PAMR1: variants seen among roughly 807,000 people sequenced by gnomAD.
PAMR1 encodes the protein inactive serine protease PAMR1.
PAMR1 carries 88 observed loss-of-function variants against 81.8 expected under a neutral mutation model. The observed-to-expected ratio is 1.08, with a 90% CI of 0.91 to 1.28. The LOEUF is 1.28. Ranked by LOEUF, PAMR1 falls within the 50% of genes most tolerant of loss-of-function variation. The probability of loss-of-function intolerance (pLI) is 0.00; values close to 1 mark genes in which losing one functional copy is unlikely to be tolerated. For missense variants in PAMR1, 935 were observed against 919.7 expected (o/e 1.02, Z -0.21); for synonymous variants, 336 against 345.3 (o/e 0.97, Z 0.30).
chr11:35,439,731 C>T, intron 7 of PAMR1, 38 bp from the exon 8 acceptor site: 1 of 1,532,982 alleles, frequency 6.5e-7, no homozygotes, highest in South Asian at 1.1e-5. Flanking sequence ...GATCCTTTTC[C>T]ATATTCACTG....
chr11:35,503,947 C>A (rs1212611788), intron 1 of PAMR1, among the ~76,000 whole-genome samples: 1 of 152,014 alleles, frequency 6.6e-6, no homozygotes, highest in Non-Finnish European at 1.5e-5. Context: ...TTGCCTTGTT[C>A]CCAATCTTAG....
intron 6 of PAMR1, among the ~76,000 whole-genome samples, chr11:35,461,060 C>T (rs958062434): frequency 1.6e-4 from 24 of 152,170 alleles, no homozygotes; most frequent in African/African-American, 5.8e-4. Flanking sequence ...TCTCTGATGG[C>T]CAGTGATGAT....
chr11:35,478,424 C>T (rs1850321635), intron 3 of PAMR1, among the ~76,000 whole-genome samples: 1 of 152,228 alleles, frequency 6.6e-6, no homozygotes, highest in African/African-American at 2.4e-5. Flanking sequence ...AGGTTCCTTT[C>T]ACTCTGAAGG....
chr11:35,454,038 T>G (rs1856474529), intron 6 of PAMR1, among the ~76,000 whole-genome samples: 1 of 152,236 alleles, frequency 6.6e-6, no homozygotes, highest in African/African-American at 2.4e-5. Flanking sequence ...TTCTTATTTT[T>G]GTTTTTTTTC....
At chr11:35,449,098 G>A (rs1250979995) in intron 6 of PAMR1, among the ~76,000 whole-genome samples, 1 of 152,210 alleles carries the variant, frequency 6.6e-6, no homozygotes, top group Non-Finnish European at 1.5e-5. Context: ...TTGTTGGGAG[G>A]TTCCACCCAG....
At chr11:35,512,683 A>T (rs943226419) in intron 1 of PAMR1, among the ~76,000 whole-genome samples, 2 of 152,198 alleles carry the variant, frequency 1.3e-5, no homozygotes, top group African/African-American at 4.8e-5. Context: ...TGATGAGTAT[A>T]CAAAACCTAA....
chr11:35,435,797 A>C, intron 9 of PAMR1, 106 bp downstream of exon 9: 1 of 796,490 alleles, frequency 1.3e-6, no homozygotes, highest in Admixed American at 2.2e-5. Context: ...TCACCAAACT[A>C]GAGAAAGCAC....
chr11:35,493,551 A>G (rs544470518), intron 2 of PAMR1, among the ~76,000 whole-genome samples: 1 of 152,214 alleles, frequency 6.6e-6, no homozygotes, highest in African/African-American at 2.4e-5. Context: ...GGACCTTCGC[A>G]CATGTTATCC....
intron 1 of PAMR1, among the ~76,000 whole-genome samples, chr11:35,497,326 A>G (rs1228062905): frequency 1.3e-5 from 2 of 152,238 alleles, no homozygotes; most frequent in East Asian, 1.9e-4. Flanking sequence ...CAAACACAAA[A>G]GGACAAATAT....
intron 1 of PAMR1, among the ~76,000 whole-genome samples, chr11:35,522,580 CTTGT>C (rs1851304902): frequency 2.0e-5 from 3 of 152,148 alleles, no homozygotes; most frequent in Admixed American, 2.0e-4. Flanking sequence ...TATACTGTAT[CTTGT>C]TTATCAATGG....
At chr11:35,442,582 CTTTTTTCTTT>C (rs1193931363) in intron 6 of PAMR1, among the ~76,000 whole-genome samples, 2 of 151,914 alleles carry the variant, frequency 1.3e-5, no homozygotes, top group African/African-American at 4.8e-5. Context: ...TCCCTACTTT[CTTTTTTCTTT>C]TTTTTTCTTT....
At chr11:35,452,460 GCTAAAATTTTTC>G (rs1856438277) in intron 6 of PAMR1, among the ~76,000 whole-genome samples, 1 of 152,142 alleles carries the variant, frequency 6.6e-6, no homozygotes, top group Admixed American at 6.5e-5. Context: ...AGAAATAATA[GCTAAAATTTTTC>G]CCATACTGGT....
At chr11:35,436,276 T>G (rs1186568325) in intron 8 of PAMR1, 141 bp from the exon 9 acceptor site, 5 of 619,152 alleles carry the variant, frequency 8.1e-6, no homozygotes, top group Non-Finnish European at 1.4e-5. Flanking sequence ...TCTCTATCTC[T>G]CTCTCTGTCT....
intron 3 of PAMR1, among the ~76,000 whole-genome samples, chr11:35,489,312 C>G (rs1221512348): frequency 6.6e-6 from 1 of 152,210 alleles, no homozygotes; most frequent in African/African-American, 2.4e-5. Flanking sequence ...GCATCAACTT[C>G]TAGACAGTTA....
intron 6 of PAMR1, among the ~76,000 whole-genome samples, chr11:35,449,734 G>A (rs1484660410): frequency 6.6e-6 from 1 of 152,114 alleles, no homozygotes; most frequent in Non-Finnish European, 1.5e-5. Flanking sequence ...CTGGTGGCAT[G>A]GGCTCACAAG....
rs569693157 is a variant in PAMR1, at chr11:35,433,201, A to G, written c.1627-309T>C. ...CACTCCATGCTGAAATGGGACCAGC[A>G]TTCTAGTTTTGCCAGAAAATGAATT... is the stretch of plus-strand genomic sequence containing the variant. On this transcript the variant is annotated intron_variant, in intron 10 of 10. Transcript: ENST00000619888. Among the ~76,000 whole-genome samples, 6 of 152,346 alleles carry G rather than the reference A, an allele frequency of 3.9e-5. No individual in the cohort carries two copies. In the South Asian group the frequency reaches 1.2e-3, roughly 32 times the overall value.
At chr11:35,478,129 T>C (rs1483302229) in intron 3 of PAMR1, among the ~76,000 whole-genome samples, 2 of 152,244 alleles carry the variant, frequency 1.3e-5, no homozygotes, top group Non-Finnish European at 2.9e-5. Flanking sequence ...CAGTTTCTTC[T>C]CTCCATATGG....
chr11:35,506,577 T>C (rs1440832186), intron 1 of PAMR1, among the ~76,000 whole-genome samples: 1 of 152,042 alleles, frequency 6.6e-6, no homozygotes, highest in Non-Finnish European at 1.5e-5. Context: ...GGATGCCATA[T>C]TCTTGGGTGG....
At chr11:35,527,093 G>A (rs919982372), upstream of PAMR1, among the ~76,000 whole-genome samples, 2 of 152,150 alleles carry the variant, frequency 1.3e-5, no homozygotes, top group African/African-American at 2.4e-5. Flanking sequence ...AAGGTCAGGA[G>A]CCCTGACACA....
Sources: allele counts gnomAD v4.1 joint callset (sites outside exome capture counted in the v4.1 genomes callset), GRCh38; gene constraint gnomAD v4.1.1; transcripts MANE v1.5; gene names NCBI Gene and HGNC (gene_info 2026-07-23, HGNC 2026-07-21).